Variants in SIK2 observed in about 807,000 individuals in gnomAD.
SIK2 encodes the protein serine/threonine-protein kinase SIK2.
A neutral mutation model predicts 103.2 loss-of-function variants in SIK2; 29 were observed. The ratio of observed to expected loss-of-function variants is 0.28; its 90% confidence interval spans 0.21 to 0.38. The LOEUF is 0.38. SIK2 is among the 10% of genes least tolerant of loss of function. The pLI is 1.00. For missense variants in SIK2, 879 were observed against 1,171.0 expected (o/e 0.75, Z 3.64); for synonymous variants, 412 against 446.1 (o/e 0.92, Z 0.96).
chr11:111,634,067 T>A (rs1011918128), intron 3 of SIK2, among the ~76,000 whole-genome samples: 3 of 152,208 alleles, frequency 2.0e-5, no homozygotes, highest in African/African-American at 7.2e-5. Context: ...TTCAAACAAT[T>A]AAACCGGCAG....
At chr11:111,651,579 A>C (rs1942326829) in intron 3 of SIK2, among the ~76,000 whole-genome samples, 1 of 152,182 alleles carries the variant, frequency 6.6e-6, no homozygotes, top group African/African-American at 2.4e-5. Context: ...TAATGCATGC[A>C]GGGCTTAATA....
rs537748640 is a variant in SIK2 at position 111,652,586 on chromosome 11, A to G, written c.316+32184A>G. ...GCATCTAATTAATATAAGTTCTTGA[A>G]GAAACAAAACCAACTAGATTCAGAA... is the stretch of plus-strand genomic sequence containing the variant. On this transcript the variant is annotated intron_variant, in intron 3 of 14. Coordinates refer to ENST00000304987, the MANE Select transcript of SIK2 (RefSeq NM_015191.3). Among the ~76,000 whole-genome samples the G allele has an allele frequency of 2.6e-5, 4 of 152,220 alleles. No individual in the cohort carries two copies. In the South Asian group the frequency reaches 8.3e-4, roughly 31 times the overall value.
At chr11:111,604,981 G>T (rs892143993) in intron 1 of SIK2, among the ~76,000 whole-genome samples, 1 of 145,016 alleles carries the variant, frequency 6.9e-6, no homozygotes, top group African/African-American at 2.6e-5. Context: ...TTTTTGAGAC[G>T]GAGCCTCGCT....
chr11:111,690,709 G>A (rs1169096269), intron 4 of SIK2, among the ~76,000 whole-genome samples: 1 of 151,860 alleles, frequency 6.6e-6, no homozygotes, highest in African/African-American at 2.4e-5. Flanking sequence ...AGAACATGTG[G>A]TGTTTGGTTT....
chr11:111,701,072 C>A lies in SIK2; in HGVS notation c.603+62C>A. On this transcript the variant is annotated intron_variant, in intron 5 of 14. Coordinates refer to ENST00000304987, the MANE Select transcript of SIK2 (RefSeq NM_015191.3). This position sits in a 1 kb window ranked among gnomAD's most constrained non-coding sequence, Gnocchi z 4.2. ...ATACTGATAATACTTGGTGTTCTGG[C>A]CCATCTTAGAAGCTCCTGGTACTTA... is the stretch of plus-strand genomic sequence containing the variant. The A allele has an allele frequency of 6.4e-7, 1 of 1,566,642 alleles. No individual in the cohort carries two copies. The highest frequency in any genetic ancestry group is 8.7e-7 in the Non-Finnish European group (1 of 1,152,630).
At chr11:111,669,713 G>A (rs116772711) in intron 3 of SIK2, among the ~76,000 whole-genome samples, 5,440 of 152,264 alleles carry the variant, frequency 0.036, 347 homozygotes, top group African/African-American at 0.12. Context: ...TCTTCTGGCT[G>A]TGGCAATTTA....
Position 111,705,266 on chromosome 11 carries a change from C to T in SIK2, c.1101+127C>T, listed in dbSNP as rs939298815. 2.2e-6 allele frequency: 2 copies of T among 928,760 alleles called. No homozygotes were observed. Among genetic ancestry groups the T allele is most frequent in the East Asian group, 3.3e-5 (1 of 30,372 alleles). The allele number at this position is 928,760 out of a possible 1,614,324, so 57.5% of individuals were successfully genotyped here. A position where few individuals can be genotyped will look rare whatever the true frequency, so the allele number is the denominator to read the frequency against. On this transcript the variant is annotated intron_variant, in intron 8 of 14. Coordinates refer to ENST00000304987, the MANE Select transcript of SIK2 (RefSeq NM_015191.3). The surrounding 1 kb of genome is among the most constrained non-coding windows in gnomAD (Gnocchi z 4.3). ...CTCCGTTTTTCTGTAAAATTTCTGC[C>T]TGCCATTCACTAGATTCTCAAATGT...
chr11:111,686,872 C>G (rs1331848917), intron 3 of SIK2, among the ~76,000 whole-genome samples: 1 of 152,088 alleles, frequency 6.6e-6, no homozygotes, highest in African/African-American at 2.4e-5. Flanking sequence ...TCTGCATGTT[C>G]TTGGGTAGAC....
At chr11:111,707,549 T>C (rs781249091) in intron 8 of SIK2, among the ~76,000 whole-genome samples, 1 of 152,200 alleles carries the variant, frequency 6.6e-6, no homozygotes, top group East Asian at 1.9e-4. Context: ...CTCATTCACA[T>C]GCTTGCCTGA....
At chr11:111,621,302 A>G (rs1453957179) in intron 3 of SIK2, among the ~76,000 whole-genome samples, 2 of 152,208 alleles carry the variant, frequency 1.3e-5, no homozygotes, top group African/African-American at 4.8e-5. Context: ...TTGGAGTTTT[A>G]TATAAATGGA....
chr11:111,699,377 G>A (rs1344280266), intron 4 of SIK2, among the ~76,000 whole-genome samples: 1 of 152,136 alleles, frequency 6.6e-6, no homozygotes, highest in Non-Finnish European at 1.5e-5. Context: ...ACAGTTGGTG[G>A]TAATGGTTTC....
rs1242092345 is a variant in SIK2, at chr11:111,725,011, G to A, written c.*882G>A. On this transcript the variant is annotated 3_prime_UTR_variant, in exon 15 of 15. Transcript: ENST00000304987. ...CGGGCAGTCGGTCTCCAGGGTACCT[G>A]TTGTCTCTTTTCCGATGTAATAACT... is the stretch of plus-strand genomic sequence containing the variant. The A allele has an allele frequency of 1.3e-5, 2 of 152,578 alleles. No individual in the cohort carries two copies. The highest frequency in any genetic ancestry group is 4.8e-5 in the African/African-American group (2 of 41,456). 9.5% of individuals were successfully genotyped at this position (152,578 alleles called of 1,614,324 possible).
chr11:111,719,875 T>A lies in SIK2; in HGVS notation c.1367T>A (p.Leu456Gln). Reference sequence around the variant, plus strand: ...ATGGAGACCTCCATTGACGAAGGGCTGGAGACAGAAGGAGAGGCCGAGGAA... The same window carrying A: ...ATGGAGACCTCCATTGACGAAGGGCAGGAGACAGAAGGAGAGGCCGAGGAA... ...NMMETSIDEG[L>Q]ETEGEAEEDP... is the part of the protein sequence containing the mutation. Residue 456 changes from leucine to glutamine, a missense_variant, in exon 10 of 15, where the codon CTG becomes CAG. Coordinates refer to ENST00000304987, the MANE Select transcript of SIK2 (RefSeq NM_015191.3). The A allele has an allele frequency of 6.2e-7, 1 of 1,614,110 alleles. No individual in the cohort carries two copies. Among genetic ancestry groups the A allele is most frequent in the South Asian group, 1.1e-5 (1 of 91,078 alleles).
intron 9 of SIK2, among the ~76,000 whole-genome samples, chr11:111,716,772 G>C (rs1011232746): frequency 6.6e-6 from 1 of 152,026 alleles, no homozygotes; most frequent in African/African-American, 2.4e-5. Context: ...GGTACTGCCG[G>C]GTATTTTGTG....
intron 3 of SIK2, among the ~76,000 whole-genome samples, chr11:111,632,007 T>C (rs956501341): frequency 2.6e-5 from 4 of 152,094 alleles, no homozygotes; most frequent in Admixed American, 6.6e-5. Context: ...CAAAGGAGAA[T>C]AATACCCCCA....
intron 3 of SIK2, among the ~76,000 whole-genome samples, chr11:111,665,311 G>A (rs907558067): frequency 6.6e-6 from 1 of 151,890 alleles, no homozygotes; most frequent in Non-Finnish European, 1.5e-5. Context: ...CACACTAGCC[G>A]GGTGTGGTGG....
chr11:111,631,219 A>G (rs1465493001), intron 3 of SIK2, among the ~76,000 whole-genome samples: 1 of 152,196 alleles, frequency 6.6e-6, no homozygotes, highest in Admixed American at 6.6e-5. Context: ...GATTCAAGAT[A>G]GAGGTATTTC....
intron 3 of SIK2, among the ~76,000 whole-genome samples, chr11:111,667,419 A>C (rs926573755): frequency 6.6e-6 from 1 of 152,092 alleles, no homozygotes; most frequent in Non-Finnish European, 1.5e-5. Context: ...TATGGATAAC[A>C]ATAATAGGGA....
chr11:111,676,878 G>A (rs1381800314), intron 3 of SIK2, among the ~76,000 whole-genome samples: 2 of 152,122 alleles, frequency 1.3e-5, no homozygotes, highest in Non-Finnish European at 2.9e-5. Flanking sequence ...CTATCTGGAT[G>A]TATTTATCTG....
Sources: gnomAD v4.1 joint callset for allele counts (sites outside exome capture counted in the v4.1 genomes callset) on GRCh38, gnomAD v4.1.1 for gene constraint, Gnocchi (gnomAD v3.1) non-coding constraint, MANE v1.5 for transcripts, NCBI Gene and HGNC (gene_info 2026-07-23, HGNC 2026-07-21) for gene names.